Variants in PLCG1 observed in about 807,000 individuals in gnomAD.
The protein encoded by PLCG1 is 1-phosphatidylinositol 4,5-bisphosphate phosphodiesterase gamma-1.
PLCG1 carries 71 observed loss-of-function variants against 177.8 expected under a neutral mutation model. That is an observed-to-expected ratio of 0.40 (90% CI 0.33 to 0.49). PLCG1 has a LOEUF of 0.49. PLCG1 is among the 20% of genes least tolerant of loss of function. The probability of loss-of-function intolerance (pLI) is 0.72; values close to 1 mark genes in which losing one functional copy is unlikely to be tolerated. For synonymous variants in PLCG1, 658 were observed against 647.9 expected (o/e 1.02, Z -0.24); for missense variants, 1,281 against 1,709.0 (o/e 0.75, Z 4.42).
Position 41,168,879 on chromosome 20 carries a change from G to A in PLCG1, c.2483+9G>A. 2 of 1,585,136 alleles carry A rather than the reference G, an allele frequency of 1.3e-6. No individual in the cohort carries two copies. Among genetic ancestry groups the A allele is most frequent in the Non-Finnish European group, 1.7e-6 (2 of 1,155,444 alleles). On this transcript the variant is annotated intron_variant, in intron 21 of 31. Coordinates refer to ENST00000685551, the MANE Select transcript of PLCG1 (RefSeq NM_002660.3). ...AAGCAAGAGGGAGGCTGGTAAGCCA[G>A]TGGTGTGGTAGGCCCAGAGTCCAAG...
chr20:41,164,187 C>G lies in PLCG1; in HGVS notation c.1203C>G (p.Ala401=). 1 of 1,614,084 alleles carries G rather than the reference C, an allele frequency of 6.2e-7. No individual in the cohort carries two copies. Among genetic ancestry groups the G allele is most frequent in the South Asian group, 1.1e-5 (1 of 91,070 alleles). ...SDVLHTIKEH[A]FVASEYPVIL... ...TCCTGCACACCATCAAGGAGCATGCCTTTGTGGCCTCAGAGTGAGTCGGAG... is the reference window on the plus strand; with the variant it reads ...TCCTGCACACCATCAAGGAGCATGCGTTTGTGGCCTCAGAGTGAGTCGGAG... The change falls in exon 12 of 32, where the codon GCC becomes GCG. Residue 401 remains alanine, a synonymous_variant. Transcript: ENST00000685551. This position sits in a 1 kb window ranked among gnomAD's most constrained non-coding sequence, Gnocchi z 6.4.
chr20:41,157,764 A>C lies in PLCG1; in HGVS notation c.218-1842A>C, dbSNP rs984816945. ...GGGAAGCAACAGCTATTCTTGCCCTAGGTGTGGCTTAGTGTGGATGGAGCA... is the reference window on the plus strand; with the variant it reads ...GGGAAGCAACAGCTATTCTTGCCCTCGGTGTGGCTTAGTGTGGATGGAGCA... On this transcript the variant is annotated intron_variant, in intron 1 of 31. Coordinates refer to ENST00000685551, the MANE Select transcript of PLCG1 (RefSeq NM_002660.3). This position sits in a 1 kb window ranked among gnomAD's most constrained non-coding sequence, Gnocchi z 5.4. Among the ~76,000 whole-genome samples the C allele has an allele frequency of 1.3e-5, 2 of 152,154 alleles. No homozygotes were observed. Among genetic ancestry groups the C allele is most frequent in the African/African-American group, 4.8e-5 (2 of 41,436 alleles).
intron 1 of PLCG1, among the ~76,000 whole-genome samples, chr20:41,152,430 TA>T (rs1648962214): frequency 6.6e-6 from 1 of 152,276 alleles, no homozygotes; most frequent in Non-Finnish European, 1.5e-5. Context: ...TCCCCCCAAC[TA>T]TGCCTGCTGC....
intron 1 of PLCG1, among the ~76,000 whole-genome samples, chr20:41,155,297 C>T (rs2035285749): frequency 6.6e-6 from 1 of 152,204 alleles, no homozygotes; most frequent in East Asian, 1.9e-4. Flanking sequence ...GGCTGACCGT[C>T]CTATGTGGAT....
rs907370828 is a variant in PLCG1, at chr20:41,151,846, A to G, written c.218-7760A>G. 6.6e-6 allele frequency among the ~76,000 whole-genome samples: 1 copy of G among 152,174 alleles called. No homozygotes were observed. Among genetic ancestry groups the G allele is most frequent in the Non-Finnish European group, 1.5e-5 (1 of 68,034 alleles). ...CTCCATCCTTTTCCTTCAGAGCTGC[A>G]AAAACCTTGCCAAAGCCGTATGGTC... On this transcript the variant is annotated intron_variant, in intron 1 of 31. Transcript: ENST00000685551. This position sits in a 1 kb window ranked among gnomAD's most constrained non-coding sequence, Gnocchi z 5.5.
rs2035016169 is a variant in PLCG1, at chr20:41,147,030, T to G, written c.217+9172T>G. Among the ~76,000 whole-genome samples the G allele has an allele frequency of 6.6e-6, 1 of 152,080 alleles. No homozygotes were observed. The highest frequency in any genetic ancestry group is 2.1e-4 in the South Asian group (1 of 4,830). ...GGTTGGGCAGCGATGGGGGCAGGGGTGATGGTCCTTCTCTGAGGCACTGAA... is the reference window on the plus strand; with the variant it reads ...GGTTGGGCAGCGATGGGGGCAGGGGGGATGGTCCTTCTCTGAGGCACTGAA... On this transcript the variant is annotated intron_variant, in intron 1 of 31. Transcript: ENST00000685551. The surrounding 1 kb of genome is among the most constrained non-coding windows in gnomAD (Gnocchi z 4.0).
chr20:41,138,078 G>C, intron 1 of PLCG1: 1 of 377,320 alleles, frequency 2.7e-6, no homozygotes, highest in Non-Finnish European at 4.7e-6. Context: ...CCCTCCCCCA[G>C]CTGGGGGGAG....
In PLCG1 at chr20:41,175,930, G is replaced by A. The variant is rs1339770099; in HGVS notation, c.*1421G>A. 6.6e-6 allele frequency: 1 copy of A among 152,310 alleles called. No individual in the cohort carries two copies. Among genetic ancestry groups the A allele is most frequent in the Non-Finnish European group, 1.5e-5 (1 of 68,048 alleles). The allele number at this position is 152,310 out of a possible 1,614,324, so 9.4% of individuals were successfully genotyped here. On this transcript the variant is annotated 3_prime_UTR_variant, in exon 32 of 32. Coordinates refer to ENST00000685551, the MANE Select transcript of PLCG1 (RefSeq NM_002660.3). Reference sequence around the variant, plus strand: ...TCTCCTGCCCACCCTCTGAGGGTGTGTCTGAGCAGAGTACATCCTGCCTGG... The same window carrying A: ...TCTCCTGCCCACCCTCTGAGGGTGTATCTGAGCAGAGTACATCCTGCCTGG...
In PLCG1 at chr20:41,177,390, A is replaced by G. The variant is rs555596998; in HGVS notation, c.*2881A>G. On this transcript the variant is annotated 3_prime_UTR_variant, in exon 32 of 32. Transcript: ENST00000685551. ...CCTCAGTTGAGTATCTGTGGCCATG[A>G]GCAGAAAAGGCAGGGGTCTGCCTCC... is the stretch of plus-strand genomic sequence containing the variant. 6.6e-6 allele frequency: 1 copy of G among 152,380 alleles called. No homozygotes were observed. The highest frequency in any genetic ancestry group is 2.1e-4 in the South Asian group (1 of 4,834). 9.4% of individuals were successfully genotyped at this position (152,380 alleles called of 1,614,324 possible).
Position 41,166,230 on chromosome 20 carries a change from C to G in PLCG1, c.1836C>G (p.Ser612=), listed in dbSNP as rs1246113125. Reference sequence around the variant, plus strand: ...AAGTCCAGCACTGCCGTATCCACTCCCGGCAAGATGCTGGGACCCCCAAGT... The same window carrying G: ...AAGTCCAGCACTGCCGTATCCACTCGCGGCAAGATGCTGGGACCCCCAAGT... ...NGKVQHCRIH[S]RQDAGTPKFF... Residue 612 remains serine (S), a synonymous_variant, in exon 17 of 32, where the codon TCC becomes TCG. Coordinates refer to ENST00000685551, the MANE Select transcript of PLCG1 (RefSeq NM_002660.3). This position sits in a 1 kb window ranked among gnomAD's most constrained non-coding sequence, Gnocchi z 8.6. 6.2e-7 allele frequency: 1 copy of G among 1,613,898 alleles called. No individual in the cohort carries two copies. Among genetic ancestry groups the G allele is most frequent in the Non-Finnish European group, 8.5e-7 (1 of 1,180,000 alleles).
At position 41,137,758 on chromosome 20, in the gene PLCG1, C is replaced by T; in HGVS notation, c.117C>T (p.Tyr39=). The T allele has an allele frequency of 7.7e-7, 1 of 1,291,104 alleles. No homozygotes were observed. The allele number at this position is 1,291,104 out of a possible 1,614,324, so 80.0% of individuals were successfully genotyped here. A position where few individuals can be genotyped will look rare whatever the true frequency, so the allele number is the denominator to read the frequency against. ...TGGGCACCGTCATGACTTTGTTCTACTCCAAGAAGTCGCAGCGACCCGAGC... is the reference window on the plus strand; with the variant it reads ...TGGGCACCGTCATGACTTTGTTCTATTCCAAGAAGTCGCAGCGACCCGAGC... ...LEVGTVMTLF[Y]SKKSQRPERK... The change falls in exon 1 of 32, where the codon TAC becomes TAT. Residue 39 remains tyrosine, a synonymous_variant. Coordinates refer to ENST00000685551, the MANE Select transcript of PLCG1 (RefSeq NM_002660.3). This position sits in a 1 kb window ranked among gnomAD's most constrained non-coding sequence, Gnocchi z 7.3.
At chr20:41,142,913 G>A (rs1342186635) in intron 1 of PLCG1, among the ~76,000 whole-genome samples, 1 of 152,160 alleles carries the variant, frequency 6.6e-6, no homozygotes, top group African/African-American at 2.4e-5. Flanking sequence ...ACCTGGTGGG[G>A]AGGAGTTCGA....
chr20:41,160,511 A>C lies in PLCG1; in HGVS notation c.512+358A>C, dbSNP rs1183767904. On this transcript the variant is annotated intron_variant, in intron 4 of 31. Transcript: ENST00000685551. The surrounding 1 kb of genome is among the most constrained non-coding windows in gnomAD (Gnocchi z 5.5). ...TATGGCAGCCAGAGGGGCCAAGGAG[A>C]GAAGGGGGAGCAAAGACCAGATAGT... Among the ~76,000 whole-genome samples the C allele has an allele frequency of 6.6e-6, 1 of 152,060 alleles. No individual in the cohort carries two copies. The highest frequency in any genetic ancestry group is 1.5e-5 in the Non-Finnish European group (1 of 68,006).
Position 41,166,305 on chromosome 20 carries a change from G to T in PLCG1, c.1911G>T (p.Thr637=). 1 of 1,614,118 alleles carries T rather than the reference G, an allele frequency of 6.2e-7. No individual in the cohort carries two copies. Among genetic ancestry groups the T allele is most frequent in the Non-Finnish European group, 8.5e-7 (1 of 1,180,012 alleles). ...LVFDSLYDLI[T]HYQQVPLRCN... ...TTGACTCCCTCTATGACCTCATCACGCACTACCAGCAGGTGCCCCTGCGCT... is the reference window on the plus strand; with the variant it reads ...TTGACTCCCTCTATGACCTCATCACTCACTACCAGCAGGTGCCCCTGCGCT... The change falls in exon 17 of 32, where the codon ACG becomes ACT. Residue 637 remains threonine (T), a synonymous_variant. Coordinates refer to ENST00000685551, the MANE Select transcript of PLCG1 (RefSeq NM_002660.3). This position sits in a 1 kb window ranked among gnomAD's most constrained non-coding sequence, Gnocchi z 8.6.
chr20:41,174,308 G>T lies in PLCG1; in HGVS notation c.3830G>T (p.Arg1277Leu), dbSNP rs764642255. ...GCAGACCATTTTGACAGTCGAGAAC[G>T]AAGGTGAGGAAGATGGAGGGGTGCT... ...HLADHFDSRE[R>L]RAPRRTRVNG... The change falls in exon 31 of 32, where the codon CGA becomes CTA. Residue 1277 changes from arginine (R) to leucine (L), a missense_variant. Physicochemically the swap from Arg to Leu is moderately radical, Grantham distance 102 (BLOSUM62 -2). Transcript: ENST00000685551. This position sits in a 1 kb window ranked among gnomAD's most constrained non-coding sequence, Gnocchi z 5.8. The T allele has an allele frequency of 1.0e-4, 163 of 1,612,786 alleles. 1 individual carries two copies. Among genetic ancestry groups the T allele is most frequent in the Middle Eastern group, 1.6e-4 (1 of 6,078 alleles).
Position 41,165,436 on chromosome 20 carries a change from T to C in PLCG1, c.1510-14T>C. 1 of 1,613,946 alleles carries C rather than the reference T, an allele frequency of 6.2e-7. No homozygotes were observed. Among genetic ancestry groups the C allele is most frequent in the Non-Finnish European group, 8.5e-7 (1 of 1,179,880 alleles). On this transcript the variant is annotated splice_polypyrimidine_tract_variant and intron_variant, in intron 14 of 31. Transcript: ENST00000685551. This position sits in a 1 kb window ranked among gnomAD's most constrained non-coding sequence, Gnocchi z 6.6. Reference sequence around the variant, plus strand: ...AGGACCCTGGCTCACAAGTCCCTCTTTGGTCTGTTCCAGGAATGGTATCCC... The same window carrying C: ...AGGACCCTGGCTCACAAGTCCCTCTCTGGTCTGTTCCAGGAATGGTATCCC...
In PLCG1 at chr20:41,159,964, G is replaced by A; in HGVS notation, c.464+1G>A. On this transcript the variant is annotated splice_donor_variant, in intron 3 of 31. Transcript: ENST00000685551. LOFTEE classifies it high-confidence loss of function. This position sits in a 1 kb window ranked among gnomAD's most constrained non-coding sequence, Gnocchi z 6.0. Reference sequence around the variant, plus strand: ...CACCCACACCCCTGCAGATTGAGAGGTAAGAACCACTCCTGAAGGGGTTAG... The same window carrying A: ...CACCCACACCCCTGCAGATTGAGAGATAAGAACCACTCCTGAAGGGGTTAG... 6.2e-7 allele frequency: 1 copy of A among 1,613,012 alleles called. No individual in the cohort carries two copies. Among genetic ancestry groups the A allele is most frequent in the Non-Finnish European group, 8.5e-7 (1 of 1,178,980 alleles).
Position 41,172,907 on chromosome 20 carries a change from A to G in PLCG1, c.3279+30A>G, listed in dbSNP as rs1223373607. 3.7e-6 allele frequency: 6 copies of G among 1,606,874 alleles called. No homozygotes were observed. In the South Asian group the frequency reaches 4.4e-5, roughly 12 times the overall value. On this transcript the variant is annotated intron_variant, in intron 27 of 31. Transcript: ENST00000685551. The surrounding 1 kb of genome is among the most constrained non-coding windows in gnomAD (Gnocchi z 7.0). ...GTGCTGCTCATCTGGGCTTCAGGGT[A>G]GGAAAGGGGCTGCTTGCCGTTGGAG...
In PLCG1 at chr20:41,170,281, C is replaced by T. The variant is rs748327867; in HGVS notation, c.2808+12C>T. On this transcript the variant is annotated intron_variant, in intron 24 of 31. Coordinates refer to ENST00000685551, the MANE Select transcript of PLCG1 (RefSeq NM_002660.3). ...CAGCAGACGCCAGGGTGAGATTCTG[C>T]TGGAACCTTCTGGGGGGCAGTGTGT... 5.0e-6 allele frequency: 8 copies of T among 1,613,714 alleles called. No individual in the cohort carries two copies. Among genetic ancestry groups the T allele is most frequent in the Non-Finnish European group, 6.8e-6 (8 of 1,179,854 alleles).
Sources: allele counts gnomAD v4.1 joint callset (sites outside exome capture counted in the v4.1 genomes callset), GRCh38; gene constraint gnomAD v4.1.1; non-coding constraint Gnocchi (gnomAD v3.1); transcripts MANE v1.5; gene names NCBI Gene and HGNC (gene_info 2026-07-23, HGNC 2026-07-21).